The following LRRIQ3 variants were observed in gnomAD, a reference collection of about 807,000 sequenced individuals.
LRRIQ3 encodes leucine rich repeats and IQ motif containing 3.
A neutral mutation model predicts 59.3 loss-of-function variants in LRRIQ3; 75 were observed. The ratio of observed to expected loss-of-function variants is 1.26; its 90% CI spans 1.05 to 1.53. The LOEUF (loss-of-function observed/expected upper bound fraction) is 1.53, where lower values mean the gene tolerates loss of function less well. LRRIQ3 is among the 40% of genes most tolerant of loss of function. The pLI, the probability that LRRIQ3 is intolerant of heterozygous loss-of-function variation, is 0.00. For synonymous variants in LRRIQ3, 250 were observed against 231.3 expected (o/e 1.08, Z -0.73); for missense variants, 831 against 710.0 (o/e 1.17, Z -1.94).
At chr1:74,137,437 G>A (rs1647142594) in intron 4 of LRRIQ3, among the ~76,000 whole-genome samples, 1 of 152,028 alleles carries the variant, frequency 6.6e-6, no homozygotes, top group South Asian at 2.1e-4. Context: ...AAAAAGTCAG[G>A]AAGCAACAGA....
chr1:74,095,270 T>C (rs948537401), intron 5 of LRRIQ3: 2 of 152,128 alleles, frequency 1.3e-5, no homozygotes, highest in Admixed American at 6.6e-5. Context: ...GCAGAGTTGT[T>C]ATACCAGCAA....
chr1:74,167,292 A>C (rs2100691963), intron 3 of LRRIQ3, among the ~76,000 whole-genome samples: 1 of 152,100 alleles, frequency 6.6e-6, no homozygotes, highest in South Asian at 2.1e-4. Flanking sequence ...GGAATGAAAT[A>C]ATGGCATTTG....
chr1:74,127,530 T>C (rs1646953666), intron 4 of LRRIQ3, among the ~76,000 whole-genome samples: 1 of 151,960 alleles, frequency 6.6e-6, no homozygotes, highest in African/African-American at 2.4e-5. Context: ...CAAATGATAT[T>C]CTATAACTCA....
At chr1:74,049,140 A>G (rs1654287886) in intron 6 of LRRIQ3, among the ~76,000 whole-genome samples, 1 of 152,206 alleles carries the variant, frequency 6.6e-6, no homozygotes, top group African/African-American at 2.4e-5. Flanking sequence ...AGTAGACAGA[A>G]GCACATTTAG....
At chr1:74,126,262 G>C (rs1055257999) in intron 4 of LRRIQ3, among the ~76,000 whole-genome samples, 8 of 151,326 alleles carry the variant, frequency 5.3e-5, no homozygotes, top group African/African-American at 1.9e-4. Flanking sequence ...GGATAATCTG[G>C]CTAAGGGTTT....
At chr1:74,134,295 G>C (rs1009418200) in intron 4 of LRRIQ3, among the ~76,000 whole-genome samples, 1 of 151,972 alleles carries the variant, frequency 6.6e-6, no homozygotes, top group Non-Finnish European at 1.5e-5. Context: ...TAAGAACAGT[G>C]GGGAGTTTGT....
intron 4 of LRRIQ3, among the ~76,000 whole-genome samples, chr1:74,147,384 C>T (rs546547960): frequency 1.3e-5 from 2 of 152,218 alleles, no homozygotes; most frequent in African/African-American, 4.8e-5. Context: ...TTGCTTTGGT[C>T]AACCATGAAA....
intron 6 of LRRIQ3, among the ~76,000 whole-genome samples, chr1:74,043,524 T>C (rs914034772): frequency 3.3e-5 from 5 of 152,236 alleles, no homozygotes; most frequent in Non-Finnish European, 5.9e-5. Flanking sequence ...TCCATCAGGA[T>C]AGAAAGCCAA....
At chr1:74,124,319 T>C (rs1283029291) in intron 4 of LRRIQ3, among the ~76,000 whole-genome samples, 1 of 151,928 alleles carries the variant, frequency 6.6e-6, no homozygotes, top group Non-Finnish European at 1.5e-5. Flanking sequence ...GCAGGTTGTC[T>C]CTTCATTTTA....
intron 3 of LRRIQ3, among the ~76,000 whole-genome samples, chr1:74,171,677 G>A (rs995780240): frequency 1.9e-4 from 29 of 152,068 alleles, no homozygotes; most frequent in South Asian, 1.7e-3. Context: ...AGAAGTGTTC[G>A]CTCTTCTTTT....
At chr1:74,179,590 C>T (rs17525565) in intron 3 of LRRIQ3, among the ~76,000 whole-genome samples, 1,688 of 152,008 alleles carry the variant, frequency 0.011, 13 homozygotes, top group Middle Eastern at 0.031. Flanking sequence ...AAATAATTAT[C>T]TCCATCGGTT....
At chr1:74,166,373 A>G (rs559331458) in intron 3 of LRRIQ3, among the ~76,000 whole-genome samples, 128 of 151,708 alleles carry the variant, frequency 8.4e-4, no homozygotes, top group African/African-American at 3.0e-3. Flanking sequence ...TTATTCTGTT[A>G]ACATTTGCAA....
At chr1:74,032,748 C>T (rs970393925) in intron 7 of LRRIQ3, among the ~76,000 whole-genome samples, 2 of 151,986 alleles carry the variant, frequency 1.3e-5, no homozygotes, top group African/African-American at 4.8e-5. Flanking sequence ...GCTATCTCAT[C>T]ATATTCATAG....
intron 7 of LRRIQ3, among the ~76,000 whole-genome samples, chr1:74,040,323 C>T (rs1483676325): frequency 1.3e-5 from 2 of 152,160 alleles, no homozygotes; most frequent in Non-Finnish European, 2.9e-5. Context: ...GAGACATAGT[C>T]TCCCACACAA....
intron 5 of LRRIQ3, among the ~76,000 whole-genome samples, chr1:74,090,725 G>A (rs1361622284): frequency 6.6e-6 from 1 of 151,442 alleles, no homozygotes; most frequent in African/African-American, 2.4e-5. Context: ...TAAAAAAAAA[G>A]TATAATAATA....
At chr1:74,089,339 A>T (rs1411892493) in intron 5 of LRRIQ3, among the ~76,000 whole-genome samples, 3 of 152,116 alleles carry the variant, frequency 2.0e-5, no homozygotes, top group African/African-American at 7.2e-5. Flanking sequence ...ACATATATTC[A>T]TTCAGCAATT....
At position 74,041,361 on chromosome 1, in the gene LRRIQ3, C is replaced by G. The variant is rs772146933; in HGVS notation, c.1570G>C (p.Glu524Gln). ...AGTCCTCTGGTCAAAAGAGTGCGCTCATTATTTAAGTTTTGAACTAATAAA... is the reference window on the plus strand; with the variant it reads ...AGTCCTCTGGTCAAAAGAGTGCGCTGATTATTTAAGTTTTGAACTAATAAA... ...ERLLVQNLNN[E>Q]RTLLTRGLLK... The change falls in exon 7 of 8, where the codon GAG (glutamate) becomes CAG (glutamine). Residue 524 changes from glutamate (E) to glutamine (Q), a missense_variant. Physicochemically the swap from Glu to Gln is conservative, Grantham distance 29. Coordinates refer to ENST00000354431, the MANE Select transcript of LRRIQ3 (RefSeq NM_001105659.2). 2 of 1,613,852 alleles carry G rather than the reference C, an allele frequency of 1.2e-6. No individual in the cohort carries two copies. Among genetic ancestry groups the G allele is most frequent in the South Asian group, 2.2e-5 (2 of 91,068 alleles).
chr1:74,156,159 C>A (rs1648313476), intron 3 of LRRIQ3, among the ~76,000 whole-genome samples: 2 of 152,050 alleles, frequency 1.3e-5, no homozygotes, highest in African/African-American at 4.8e-5. Flanking sequence ...ACTTCTTGCT[C>A]ATATAGTTCA....
At chr1:74,126,100 G>C (rs1389823852) in intron 4 of LRRIQ3, among the ~76,000 whole-genome samples, 2 of 151,554 alleles carry the variant, frequency 1.3e-5, no homozygotes, top group Non-Finnish European at 3.0e-5. Flanking sequence ...TGTGTATAAG[G>C]ATTTATTCAT....
Sources: allele counts gnomAD v4.1 joint callset (sites outside exome capture counted in the v4.1 genomes callset), GRCh38; gene constraint gnomAD v4.1.1; transcripts MANE v1.5; gene names NCBI Gene and HGNC (gene_info 2026-07-23, HGNC 2026-07-21).